The following NAA25 variants were observed in gnomAD, a reference collection of about 807,000 sequenced individuals.
NAA25 encodes N-terminal acetyltransferase B complex subunit NAA25.
In NAA25, 30 loss-of-function variants were observed where a neutral mutation model predicts 132.5. The observed-to-expected ratio is 0.23, with a 90% CI of 0.17 to 0.31. NAA25 has a LOEUF of 0.31. NAA25 is among the 10% of genes least tolerant of loss of function. The probability of loss-of-function intolerance (pLI) is 1.00; values close to 1 mark genes in which losing one functional copy is unlikely to be tolerated. For missense variants in NAA25, 771 were observed against 1,150.4 expected (o/e 0.67, Z 4.77); for synonymous variants, 359 against 401.9 (o/e 0.89, Z 1.28).
intron 9 of NAA25, among the ~76,000 whole-genome samples, chr12:112,073,111 G>A (rs1228161711): frequency 6.6e-6 from 1 of 151,860 alleles, no homozygotes; most frequent in Non-Finnish European, 1.5e-5. Flanking sequence ...GCTCATGCCT[G>A]TAGTCCCAAG....
In NAA25 at chr12:112,093,156, G is replaced by A; in HGVS notation, c.59-20C>T. ...GATAATCTATGAAAAAACAAATTAT[G>A]TGACAGTTATTATATTCCTTCAATA... On this transcript the variant is annotated intron_variant, in intron 1 of 23. Transcript: ENST00000261745. 1 of 1,398,444 alleles carries A rather than the reference G, an allele frequency of 7.2e-7. No homozygotes were observed. The highest frequency in any genetic ancestry group is 1.0e-6 in the Non-Finnish European group (1 of 988,958). 86.6% of individuals were successfully genotyped at this position (1,398,444 alleles called of 1,614,324 possible). A position where few individuals can be genotyped will look rare whatever the true frequency, so the allele number is the denominator to read the frequency against.
intron 22 of NAA25, among the ~76,000 whole-genome samples, chr12:112,036,934 A>G (rs1188263997): frequency 6.6e-6 from 1 of 151,978 alleles, no homozygotes; most frequent in Non-Finnish European, 1.5e-5. Context: ...TTCTCGTCAT[A>G]GAAATAAACT....
At chr12:112,040,354 T>A in intron 21 of NAA25, 127 bp downstream of exon 21, 1 of 542,250 alleles carries the variant, frequency 1.8e-6, no homozygotes, top group Non-Finnish European at 3.3e-6. Flanking sequence ...GCTTTTCAAT[T>A]AACAAAAACA....
At chr12:112,066,424 G>A (rs1399459474) in intron 11 of NAA25, among the ~76,000 whole-genome samples, 2 of 152,140 alleles carry the variant, frequency 1.3e-5, no homozygotes, top group African/African-American at 4.8e-5. Flanking sequence ...CAGTATTTGA[G>A]AGAATTCTCA....
intron 11 of NAA25, among the ~76,000 whole-genome samples, chr12:112,061,628 TTG>T: frequency 6.6e-6 from 1 of 152,230 alleles, no homozygotes; most frequent in East Asian, 1.9e-4. Context: ...CCAAAAGTAT[TTG>T]TCAATACCAC....
At position 112,073,288 on chromosome 12, in the gene NAA25, A is replaced by G. The variant is rs187686210; in HGVS notation, c.867-1224T>C. On this transcript the variant is annotated intron_variant, in intron 9 of 23. Coordinates refer to ENST00000261745, the MANE Select transcript of NAA25 (RefSeq NM_024953.4). ...CACACACACACACACACACACACAT[A>G]TATTTTTGAGATGGGGTCTTGTACA... Among the ~76,000 whole-genome samples, 770 of 152,156 alleles carry G rather than the reference A, an allele frequency of 5.1e-3. 2 individuals are homozygous for G. Among genetic ancestry groups the G allele is most frequent in the African/African-American group, 0.017 (724 of 41,504 alleles).
chr12:112,091,461 G>C (rs961515080), intron 2 of NAA25, among the ~76,000 whole-genome samples: 2 of 152,126 alleles, frequency 1.3e-5, no homozygotes, highest in African/African-American at 4.8e-5. Context: ...GGCCGAGGCG[G>C]GAGGATTGCT....
chr12:112,107,381 G>GT (rs572332388), intron 1 of NAA25, among the ~76,000 whole-genome samples: 2,270 of 145,504 alleles, frequency 0.016, 39 homozygotes, highest in African/African-American at 0.042. Context: ...TTCCTCATCT[G>GT]TTTTTTTTTT....
intron 23 of NAA25, among the ~76,000 whole-genome samples, chr12:112,032,219 G>C (rs1052981793): frequency 6.6e-6 from 1 of 151,872 alleles, no homozygotes; most frequent in African/African-American, 2.4e-5. Context: ...GCCTCCCTCC[G>C]CCTCCCAAAG....
intron 1 of NAA25, among the ~76,000 whole-genome samples, chr12:112,095,689 G>A (rs945075603): frequency 1.1e-4 from 16 of 150,310 alleles, no homozygotes; most frequent in African/African-American, 3.9e-4. Context: ...AAGACATGGA[G>A]GAAGCCTTAT....
At chr12:112,048,152 G>T in intron 16 of NAA25, 140 bp downstream of exon 16, 3 of 785,726 alleles carry the variant, frequency 3.8e-6, no homozygotes, top group Non-Finnish European at 3.9e-6. Flanking sequence ...CATGTGCCAA[G>T]TTCTGTTTCC....
At chr12:112,050,419 C>A (rs2136829636) in intron 15 of NAA25, among the ~76,000 whole-genome samples, 1 of 152,280 alleles carries the variant, frequency 6.6e-6, no homozygotes, top group South Asian at 2.1e-4. Flanking sequence ...CTGAAATGAA[C>A]CCTGGTCACT....
intron 2 of NAA25, among the ~76,000 whole-genome samples, chr12:112,091,435 C>A (rs1171532857): frequency 6.6e-6 from 1 of 151,914 alleles, no homozygotes; most frequent in Admixed American, 6.6e-5. Context: ...ACGAATGTAA[C>A]CCCAGCACTT....
intron 15 of NAA25, among the ~76,000 whole-genome samples, chr12:112,050,741 A>G (rs895279137): frequency 1.3e-5 from 2 of 152,180 alleles, no homozygotes; most frequent in Non-Finnish European, 2.9e-5. Flanking sequence ...AAAACACGTA[A>G]GTGACTTTTA....
chr12:112,049,610 A>T lies in NAA25; in HGVS notation c.1729-1167T>A. 2 of 985,716 alleles carry T rather than the reference A, an allele frequency of 2.0e-6. No individual in the cohort carries two copies. Among genetic ancestry groups the T allele is most frequent in the Non-Finnish European group, 2.4e-6 (2 of 829,934 alleles). The allele number at this position is 985,716 out of a possible 1,614,324, so 61.1% of individuals were successfully genotyped here. On this transcript the variant is annotated intron_variant, in intron 15 of 23. Coordinates refer to ENST00000261745, the MANE Select transcript of NAA25 (RefSeq NM_024953.4). The surrounding 1 kb of genome is among the most constrained non-coding windows in gnomAD (Gnocchi z 4.7). ...CCTCGGCGAGCTGTTTGCCTGCAGT[A>T]TCTGGAGAAATTAAAGACGGACGGA... is the stretch of plus-strand genomic sequence containing the variant.
At chr12:112,067,119 G>A (rs1194567199) in intron 11 of NAA25, among the ~76,000 whole-genome samples, 1 of 152,098 alleles carries the variant, frequency 6.6e-6, no homozygotes, top group Non-Finnish European at 1.5e-5. Context: ...AGAATCCCTT[G>A]AACCAGGAGG....
intron 23 of NAA25, among the ~76,000 whole-genome samples, chr12:112,032,952 C>T (rs1432804995): frequency 6.6e-6 from 1 of 152,134 alleles, no homozygotes; most frequent in African/African-American, 2.4e-5. Context: ...CAAAATATGG[C>T]TGGTTCCATG....
intron 23 of NAA25, among the ~76,000 whole-genome samples, chr12:112,031,831 A>G (rs2078153523): frequency 6.6e-6 from 1 of 151,154 alleles, no homozygotes; most frequent in African/African-American, 2.4e-5. Context: ...TCCTTTTCCT[A>G]CATTTCTTTC....
intron 1 of NAA25, among the ~76,000 whole-genome samples, chr12:112,102,838 T>C (rs1229761153): frequency 6.6e-6 from 1 of 151,494 alleles, no homozygotes; most frequent in Admixed American, 6.6e-5. Flanking sequence ...AGATGCACAC[T>C]ACCACACCCG....
Sources: allele counts gnomAD v4.1 joint callset (sites outside exome capture counted in the v4.1 genomes callset), GRCh38; gene constraint gnomAD v4.1.1; non-coding constraint Gnocchi (gnomAD v3.1); transcripts MANE v1.5; gene names NCBI Gene and HGNC (gene_info 2026-07-23, HGNC 2026-07-21).